IQSEC3: variants seen among roughly 807,000 people sequenced by gnomAD.
IQSEC3 encodes IQ motif and SEC7 domain-containing protein 3.
In IQSEC3, 50 loss-of-function variants were observed where a neutral mutation model predicts 105.4. The ratio of observed to expected loss-of-function variants is 0.47; its 90% confidence interval spans 0.38 to 0.60. The LOEUF (loss-of-function observed/expected upper bound fraction) is 0.60, where lower values mean the gene tolerates loss of function less well. Among genes scored for constraint, IQSEC3 ranks in the 20% least tolerant of loss-of-function variants. The pLI, the probability that IQSEC3 is intolerant of heterozygous loss-of-function variation, is 0.00. For synonymous variants in IQSEC3, 708 were observed against 746.0 expected (o/e 0.95, Z 0.83); for missense variants, 1,415 against 1,630.0 (o/e 0.87, Z 2.27).
intron 1 of IQSEC3, among the ~76,000 whole-genome samples, chr12:70,229 C>G (rs1224231032): frequency 2.6e-5 from 4 of 152,282 alleles, no homozygotes; most frequent in African/African-American, 9.6e-5. Flanking sequence ...CAGAACTCCT[C>G]TTCCTACCCA....
chr12:125,762 G>A lies in IQSEC3; in HGVS notation c.753G>A (p.Glu251=), dbSNP rs782338351. 3 of 1,510,804 alleles carry A rather than the reference G, an allele frequency of 2.0e-6. No individual in the cohort carries two copies. The highest frequency in any genetic ancestry group is 2.8e-5 in the African/African-American group (2 of 71,610). 93.6% of individuals were successfully genotyped at this position (1,510,804 alleles called of 1,614,324 possible). The change falls in exon 3 of 14, where the codon GAG becomes GAA. Residue 251 remains glutamate, a synonymous_variant. Coordinates refer to ENST00000538872, the MANE Select transcript of IQSEC3 (RefSeq NM_001170738.2). ...CCCAGGAGCTGCAGGAGGAGGAGGA[G>A]CGGCCGGGGGCAGGGGCTGCCTCCC... ...AQAQELQEEE[E]RPGAGAASPR...
At chr12:128,594 G>T (rs73036125) in intron 3 of IQSEC3, among the ~76,000 whole-genome samples, 34,918 of 151,850 alleles carry the variant, frequency 0.23, 4,327 homozygotes, top group Admixed American at 0.29. Flanking sequence ...TCCCCAGGAC[G>T]GTTTTCCTTG....
At chr12:80,340 T>C (rs988366352) in intron 1 of IQSEC3, among the ~76,000 whole-genome samples, 5 of 152,174 alleles carry the variant, frequency 3.3e-5, no homozygotes, top group African/African-American at 1.2e-4. Flanking sequence ...ATCAGGGTGT[T>C]AGCATCTGGC....
chr12:160,633 G>A (rs1866856853), intron 7 of IQSEC3, among the ~76,000 whole-genome samples: 1 of 152,062 alleles, frequency 6.6e-6, no homozygotes, highest in Admixed American at 6.5e-5. Context: ...AGTGAGGAGG[G>A]GATAGGGAAG....
chr12:154,011 G>T (rs1206374538), intron 5 of IQSEC3, among the ~76,000 whole-genome samples: 4 of 152,178 alleles, frequency 2.6e-5, no homozygotes, highest in African/African-American at 9.7e-5. Context: ...GTGGGGTCCT[G>T]AGAGCACACA....
At chr12:171,930 C>A (rs1286776846) in intron 13 of IQSEC3, among the ~76,000 whole-genome samples, 1 of 152,072 alleles carries the variant, frequency 6.6e-6, no homozygotes, top group Non-Finnish European at 1.5e-5. Flanking sequence ...CTGCCAAACC[C>A]CCCCAGTGCC....
intron 12 of IQSEC3, 89 bp downstream of exon 12, chr12:169,194 G>A (rs782802979): frequency 5.0e-5 from 52 of 1,049,504 alleles, no homozygotes; most frequent in Non-Finnish European, 7.5e-5. Flanking sequence ...GCAGGGAGAG[G>A]TGCCCATTCC....
At chr12:119,452 T>C (rs1209101777) in intron 2 of IQSEC3, among the ~76,000 whole-genome samples, 4 of 152,114 alleles carry the variant, frequency 2.6e-5, no homozygotes, top group Non-Finnish European at 4.4e-5. Context: ...TTAGCAAAGG[T>C]ATCTGGAACC....
chr12:101,791 G>A (rs55675835), intron 2 of IQSEC3, among the ~76,000 whole-genome samples: 9,410 of 152,136 alleles, frequency 0.062, 383 homozygotes, highest in African/African-American at 0.11. Context: ...AACAGTGTAC[G>A]TGTTTGCTCT....
chr12:167,583 A>G (rs1416242358), intron 11 of IQSEC3: 1 of 152,106 alleles, frequency 6.6e-6, no homozygotes, highest in Non-Finnish European at 1.5e-5. Flanking sequence ...CAGGAAAAAA[A>G]AAAAAAAGAA....
intron 2 of IQSEC3, among the ~76,000 whole-genome samples, chr12:119,655 C>G (rs1473026543): frequency 6.6e-6 from 1 of 152,190 alleles, no homozygotes; most frequent in Non-Finnish European, 1.5e-5. Context: ...GGGAGGCACA[C>G]AGCATGGGGC....
chr12:138,144 C>T lies in IQSEC3; in HGVS notation c.904-123C>T, dbSNP rs1292940478. ...TCAGACTTTAGCTGCCCAGGAGCGCCCCCCCGCCCCCGTCCATTCCTGGGC... is the reference window on the plus strand; with the variant it reads ...TCAGACTTTAGCTGCCCAGGAGCGCTCCCCCGCCCCCGTCCATTCCTGGGC... On this transcript the variant is annotated intron_variant, in intron 3 of 13. Transcript: ENST00000538872. The surrounding 1 kb of genome is among the most constrained non-coding windows in gnomAD (Gnocchi z 7.1). 3 of 852,414 alleles carry T rather than the reference C, an allele frequency of 3.5e-6. No homozygotes were observed. The highest frequency in any genetic ancestry group is 1.7e-5 in the South Asian group (1 of 57,922). 52.8% of individuals were successfully genotyped at this position (852,414 alleles called of 1,614,324 possible). A position where few individuals can be genotyped will look rare whatever the true frequency, so the allele number is the denominator to read the frequency against.
intron 5 of IQSEC3, chr12:141,995 G>T (rs1046960102): frequency 6.6e-6 from 1 of 152,328 alleles, no homozygotes; most frequent in Non-Finnish European, 1.5e-5. Flanking sequence ...AGGCTGAGGG[G>T]CCTTGCAGCT....
At chr12:119,554 G>C (rs1213071383) in intron 2 of IQSEC3, among the ~76,000 whole-genome samples, 1 of 152,152 alleles carries the variant, frequency 6.6e-6, no homozygotes, top group African/African-American at 2.4e-5. Flanking sequence ...AGGCTCCCAG[G>C]GGGATTCAGT....
rs782177788 is a variant in IQSEC3, at chr12:163,564, T to C, written c.2654T>C (p.Leu885Pro). ...RLFEVTDVNK[L>P]QKQAAHQREV... Reference sequence around the variant, plus strand: ...TTCGAGGTGACGGATGTGAACAAGCTGCAGAAGCAGGCAGCGCATCAGAGG... The same window carrying C: ...TTCGAGGTGACGGATGTGAACAAGCCGCAGAAGCAGGCAGCGCATCAGAGG... Residue 885 changes from leucine (L) to proline (P), a missense_variant, in exon 9 of 14, where the codon CTG becomes CCG. Coordinates refer to ENST00000538872, the MANE Select transcript of IQSEC3 (RefSeq NM_001170738.2). 9 of 1,610,736 alleles carry C rather than the reference T, an allele frequency of 5.6e-6. No individual in the cohort carries two copies. In the East Asian group the frequency reaches 2.0e-4, roughly 36 times the overall value.
At chr12:127,440 C>G (rs908926542) in intron 3 of IQSEC3, among the ~76,000 whole-genome samples, 2 of 152,122 alleles carry the variant, frequency 1.3e-5, no homozygotes, top group Non-Finnish European at 2.9e-5. Context: ...TCCTTGAATG[C>G]GGGAGGCGGA....
At chr12:134,006 G>A (rs1865678177) in intron 3 of IQSEC3, among the ~76,000 whole-genome samples, 1 of 152,278 alleles carries the variant, frequency 6.6e-6, no homozygotes, top group South Asian at 2.1e-4. Flanking sequence ...GGAGTCAGCA[G>A]TTACGCTGTA....
Position 141,122 on chromosome 12 carries a change from A to G in IQSEC3, c.1992-2A>G. The G allele has an allele frequency of 7.3e-7, 1 of 1,366,402 alleles. No individual in the cohort carries two copies. The highest frequency in any genetic ancestry group is 1.5e-5 in the South Asian group (1 of 65,960). 84.6% of individuals were successfully genotyped at this position (1,366,402 alleles called of 1,614,324 possible). On this transcript the variant is annotated splice_acceptor_variant, in intron 4 of 13. Transcript: ENST00000538872. LOFTEE classifies it high-confidence loss of function. ...ACTGCTTCTCCCCACCCCCACCTCCAGAAACCCCGACAAGGGCATCCAGTT... is the reference window on the plus strand; with the variant it reads ...ACTGCTTCTCCCCACCCCCACCTCCGGAAACCCCGACAAGGGCATCCAGTT...
At chr12:92,477 A>T (rs1193457084) in intron 1 of IQSEC3, among the ~76,000 whole-genome samples, 2 of 152,094 alleles carry the variant, frequency 1.3e-5, no homozygotes, top group East Asian at 3.9e-4. Context: ...GCTGTGAGGT[A>T]GATTGGGGGC....
Sources: allele counts gnomAD v4.1 joint callset (sites outside exome capture counted in the v4.1 genomes callset), GRCh38; gene constraint gnomAD v4.1.1; non-coding constraint Gnocchi (gnomAD v3.1); transcripts MANE v1.5; gene names NCBI Gene and HGNC (gene_info 2026-07-23, HGNC 2026-07-21).